Variants in DOCK8 observed in about 807,000 individuals in gnomAD.
DOCK8 encodes the protein dedicator of cytokinesis 8.
Under a neutral mutation model 245.6 loss-of-function variants are expected in DOCK8, and 141 were observed. The observed-to-expected ratio is 0.57, with a 90% CI of 0.50 to 0.66. DOCK8 has a LOEUF of 0.66. DOCK8 is among the 30% of genes least tolerant of loss of function. DOCK8 has a pLI of 0.00. For synonymous variants in DOCK8, 1,168 were observed against 970.2 expected, an observed-to-expected ratio of 1.20 and a Z score of -3.79; for missense variants, 2,965 against 2,603.4, an observed-to-expected ratio of 1.14 and a Z score of -3.02.
chr9:264,208 CTT>C (rs946367176), intron 1 of DOCK8, among the ~76,000 whole-genome samples: 12 of 152,196 alleles, frequency 7.9e-5, no homozygotes, highest in Admixed American at 2.6e-4. Flanking sequence ...AAGAAGGAAA[CTT>C]ATATGATGAC....
chr9:345,856 AGAT>A (rs2051857627), intron 14 of DOCK8, among the ~76,000 whole-genome samples: 1 of 152,162 alleles, frequency 6.6e-6, no homozygotes, highest in South Asian at 2.1e-4. Flanking sequence ...GAACAGCTGT[AGAT>A]GAGTTCTGGT....
rs932749653 is a variant in DOCK8 at position 370,168 on chromosome 9, A to T, written c.1798-62A>T. 5.2e-6 allele frequency: 7 copies of T among 1,359,212 alleles called. No homozygotes were observed. In the African/African-American group the frequency reaches 7.2e-5, roughly 14 times the overall value. 84.2% of individuals were successfully genotyped at this position (1,359,212 alleles called of 1,614,324 possible). The stretch of plus-strand genomic sequence containing the variant: ...ACCAGAACATCCTGTTGGCCTGATG[A>T]TAGTCAATTTGATGTACCCAAATGT... On this transcript the variant is annotated intron_variant, in intron 15 of 47. Coordinates refer to ENST00000432829, the MANE Select transcript of DOCK8 (RefSeq NM_203447.4).
At chr9:368,400 A>T in intron 15 of DOCK8, 3 of 664,586 alleles carry the variant, frequency 4.5e-6, no homozygotes, top group Non-Finnish European at 5.5e-6. Context: ...AAGTCTTTCC[A>T]TACTGCCCAT....
intron 40 of DOCK8, 132 bp downstream of exon 40, chr9:439,520 G>T: frequency 8.1e-7 from 1 of 1,229,400 alleles, no homozygotes; most frequent in South Asian, 1.3e-5. Context: ...GTGCGGGGCA[G>T]GGGATGGGCC....
At chr9:287,556 TCA>T (rs2048872317) in intron 3 of DOCK8, among the ~76,000 whole-genome samples, 1 of 152,194 alleles carries the variant, frequency 6.6e-6, no homozygotes, top group Non-Finnish European at 1.5e-5. Flanking sequence ...TTTTATTTCA[TCA>T]CAGTTTAAGG....
At chr9:399,793 GA>G (rs943596469) in intron 26 of DOCK8, among the ~76,000 whole-genome samples, 2 of 151,850 alleles carry the variant, frequency 1.3e-5, no homozygotes, top group African/African-American at 4.8e-5. Context: ...TTTTTAAATG[GA>G]ATTATTCATG....
intron 33 of DOCK8, among the ~76,000 whole-genome samples, chr9:424,541 A>T (rs2056408195): frequency 6.6e-6 from 1 of 151,884 alleles, no homozygotes; most frequent in Non-Finnish European, 1.5e-5. Flanking sequence ...TCCCAAGTAG[A>T]TGGGACTACA....
At chr9:379,973 G>C in intron 21 of DOCK8, 38 bp downstream of exon 21, 2 of 1,598,890 alleles carry the variant, frequency 1.3e-6, no homozygotes, top group Middle Eastern at 1.7e-4. Context: ...GGTGGGCGGG[G>C]CAACACCACC....
chr9:263,212 G>GA (rs34966635), intron 1 of DOCK8, among the ~76,000 whole-genome samples: 71,422 of 144,938 alleles, frequency 0.49, 17,425 homozygotes, highest in East Asian at 0.76. Flanking sequence ...ATCTCAAAAG[G>GA]AAAAAAAAAA....
At chr9:277,082 T>C (rs1295427140) in intron 2 of DOCK8, 1 of 218,402 alleles carries the variant, frequency 4.6e-6, no homozygotes, top group South Asian at 4.4e-5. Flanking sequence ...GTGCTGGGAT[T>C]ACAGGTATGA....
chr9:333,462 A>C (rs55858849), intron 10 of DOCK8, among the ~76,000 whole-genome samples: 2 of 152,020 alleles, frequency 1.3e-5, no homozygotes, highest in Non-Finnish European at 2.9e-5. Flanking sequence ...TTAGCCGGGC[A>C]TGGTGGCACG....
chr9:242,794 G>T (rs533001831), intron 1 of DOCK8, among the ~76,000 whole-genome samples: 2 of 151,620 alleles, frequency 1.3e-5, no homozygotes, highest in African/African-American at 4.8e-5. Context: ...GGCCTTCCAC[G>T]GAATCTGTTG....
chr9:362,384 A>G (rs1317455801), intron 14 of DOCK8, among the ~76,000 whole-genome samples: 1 of 152,206 alleles, frequency 6.6e-6, no homozygotes, highest in Non-Finnish European at 1.5e-5. Context: ...AATGATCAGT[A>G]ATGATTGACT....
At chr9:309,007 A>G (rs1563905585) in intron 5 of DOCK8, among the ~76,000 whole-genome samples, 1 of 152,182 alleles carries the variant, frequency 6.6e-6, no homozygotes. Context: ...GAAAGTTCCA[A>G]AATCTCTTAA....
intron 45 of DOCK8, 21 bp from the exon 46 acceptor site, chr9:451,990 T>C (rs531822828): frequency 1.6e-6 from 1 of 606,458 alleles, no homozygotes; most frequent in South Asian, 2.9e-5. Context: ...TTTTTTTTTT[T>C]TTTTTTTTTT....
chr9:314,335 G>T (rs543282862), intron 6 of DOCK8: 3 of 152,332 alleles, frequency 2.0e-5, no homozygotes, highest in African/African-American at 7.2e-5. Context: ...GACCCAAAGT[G>T]GATGCCAGAA....
intron 2 of DOCK8, among the ~76,000 whole-genome samples, chr9:283,808 T>C (rs964972501): frequency 4.6e-5 from 7 of 152,224 alleles, no homozygotes; most frequent in African/African-American, 1.7e-4. Context: ...GCTATGTGTA[T>C]AAGGTGTATA....
At chr9:417,851 A>T (rs974464989) in intron 29 of DOCK8, among the ~76,000 whole-genome samples, 1 of 152,250 alleles carries the variant, frequency 6.6e-6, no homozygotes, top group African/African-American at 2.4e-5. Flanking sequence ...TGTTCACACA[A>T]TTTGAAAAAT....
intron 14 of DOCK8, among the ~76,000 whole-genome samples, chr9:361,636 G>C (rs2052735974): frequency 6.6e-6 from 1 of 152,128 alleles, no homozygotes; most frequent in South Asian, 2.1e-4. Flanking sequence ...TATAAAAGCA[G>C]CTTAAATTAC....
Sources: gnomAD v4.1 joint callset for allele counts (sites outside exome capture counted in the v4.1 genomes callset) on GRCh38, gnomAD v4.1.1 for gene constraint, MANE v1.5 for transcripts, NCBI Gene and HGNC (gene_info 2026-07-23, HGNC 2026-07-21) for gene names.